Variants in COPA observed in about 807,000 individuals in gnomAD.
COPA encodes the protein coatomer subunit alpha.
Under a neutral mutation model 158.7 loss-of-function variants are expected in COPA, and 10 were observed. The observed-to-expected ratio is 0.06, with a 90% confidence interval of 0.04 to 0.11. The LOEUF (loss-of-function observed/expected upper bound fraction) is 0.11, where lower values mean the gene tolerates loss of function less well. Ranked by LOEUF, COPA falls within the 10% of genes least tolerant of loss-of-function variation. COPA has a pLI of 1.00. For synonymous variants in COPA, 462 were observed against 542.8 expected, an observed-to-expected ratio of 0.85 and a Z score of 2.07; for missense variants, 1,065 against 1,536.7, an observed-to-expected ratio of 0.69 and a Z score of 5.13.
chr1:160,338,044 A>G (rs2101878155), intron 3 of COPA, among the ~76,000 whole-genome samples: 1 of 152,222 alleles, frequency 6.6e-6, no homozygotes, highest in Middle Eastern at 3.4e-3. Flanking sequence ...GTCTCTATAG[A>G]TTTACCTATT....
chr1:160,313,304 C>A, intron 9 of COPA, 137 bp from the exon 10 acceptor site: 1 of 689,990 alleles, frequency 1.4e-6, no homozygotes, highest in South Asian at 1.9e-5. Flanking sequence ...TCCTAAGTAA[C>A]AGTAGTCGTG....
intron 8 of COPA, among the ~76,000 whole-genome samples, chr1:160,318,975 C>CA (rs140148350): frequency 0.015 from 2,264 of 147,702 alleles, 53 homozygotes; most frequent in African/African-American, 0.048. Context: ...AGAGAAGCCT[C>CA]AAAAAAAAAC....
At chr1:160,321,742 C>G (rs542752971) in intron 8 of COPA, among the ~76,000 whole-genome samples, 2 of 152,030 alleles carry the variant, frequency 1.3e-5, no homozygotes, top group Non-Finnish European at 2.9e-5. Context: ...AAGCCAAGAT[C>G]GAGCCACTGT....
rs561417037 is a variant in COPA at position 160,316,651 on chromosome 1, G to A, written c.707-2526C>T. Among the ~76,000 whole-genome samples the A allele has an allele frequency of 2.0e-5, 3 of 151,836 alleles. No homozygotes were observed. In the East Asian group the frequency reaches 5.8e-4, roughly 30 times the overall value. On this transcript the variant is annotated intron_variant, in intron 8 of 32. Transcript: ENST00000241704. ...TATAATCCCAGCTACTCGGGAGGCT[G>A]AGGGAGGAGAATCACTTGAACTCGG...
intron 1 of COPA, 38 bp from the exon 2 acceptor site, chr1:160,340,332 G>A: frequency 1.6e-6 from 2 of 1,284,620 alleles, no homozygotes; most frequent in Non-Finnish European, 2.3e-6. Flanking sequence ...AGCTAACTAA[G>A]CCCCATGATG....
intron 17 of COPA, among the ~76,000 whole-genome samples, chr1:160,300,097 T>C (rs1222095747): frequency 1.3e-5 from 2 of 152,034 alleles, no homozygotes; most frequent in East Asian, 1.9e-4. Context: ...CCCAGCACTT[T>C]GGGAGGCCGA....
chr1:160,298,674 A>G (rs1273895565), intron 19 of COPA, among the ~76,000 whole-genome samples, 171 bp downstream of exon 19: 1 of 152,200 alleles, frequency 6.6e-6, no homozygotes, highest in Non-Finnish European at 1.5e-5. Context: ...GGCAGGTAAA[A>G]GTAGAGATGG....
intron 1 of COPA, among the ~76,000 whole-genome samples, chr1:160,340,968 G>C (rs1648013998): frequency 6.6e-6 from 1 of 152,184 alleles, no homozygotes; most frequent in South Asian, 2.1e-4. Flanking sequence ...CTTCACTGAA[G>C]CCTAAAAACT....
intron 15 of COPA, 68 bp downstream of exon 15, chr1:160,306,286 G>A (rs1030926057): frequency 2.9e-5 from 43 of 1,502,266 alleles, no homozygotes; most frequent in Middle Eastern, 1.9e-4. Flanking sequence ...GGGAAAAAAG[G>A]TTCCCACTAA....
chr1:160,310,074 G>C (rs1421593161), intron 12 of COPA, 118 bp downstream of exon 12: 1 of 562,130 alleles, frequency 1.8e-6, no homozygotes. Context: ...CACTGTGTCA[G>C]CTCTCACAAA....
chr1:160,297,205 A>G, intron 21 of COPA, 138 bp downstream of exon 21: 2 of 742,734 alleles, frequency 2.7e-6, no homozygotes, highest in Non-Finnish European at 4.5e-6. Context: ...TCTTCTAAGC[A>G]CAGTAGGAGC....
In COPA at chr1:160,290,157, T is replaced by C. The variant is rs762917412; in HGVS notation, c.3675A>G (p.Ter1225=). Residue 1225 remains the stop codon, a stop_retained_variant, in exon 33 of 33, where the codon TAA becomes TAG. Coordinates refer to ENST00000241704, the MANE Select transcript of COPA (RefSeq NM_004371.4). ...GLRISPLQFR[*] is the part of the protein sequence containing the mutation. ...CTGACCCATGCACACAAAGGGGGCC[T>C]TAGCGAAACTGCAGAGGACTGATCC... The C allele has an allele frequency of 8.7e-6, 14 of 1,614,092 alleles. No homozygotes were observed. The South Asian group carries it at 1.5e-4, about 18-fold the overall frequency.
chr1:160,297,764 C>A lies in COPA; in HGVS notation c.1978-19G>T, dbSNP rs770019968. The A allele has an allele frequency of 6.2e-7, 1 of 1,610,606 alleles. No homozygotes were observed. On this transcript the variant is annotated intron_variant, in intron 19 of 32. Transcript: ENST00000241704. The stretch of plus-strand genomic sequence containing the variant: ...GAGCAATCTAAAGAATCCCCAGGGT[C>A]GTGTTAACAGGTTGAAGGACAATGT...
At chr1:160,332,073 G>C (rs895199396) in intron 6 of COPA, among the ~76,000 whole-genome samples, 26 of 152,190 alleles carry the variant, frequency 1.7e-4, no homozygotes, top group African/African-American at 5.8e-4. Flanking sequence ...TAGGGTCCAA[G>C]AGTCTTGTTT....
At chr1:160,305,819 T>G in intron 15 of COPA, 46 bp from the exon 16 acceptor site, 1 of 1,513,874 alleles carries the variant, frequency 6.6e-7, no homozygotes, top group Non-Finnish European at 9.2e-7. Context: ...CTATTTCCCT[T>G]GTCTCAGGCT....
At chr1:160,294,198 G>A (rs1658329629) in intron 25 of COPA, among the ~76,000 whole-genome samples, 1 of 152,102 alleles carries the variant, frequency 6.6e-6, no homozygotes, top group African/African-American at 2.4e-5. Context: ...TTGCTATGGT[G>A]CCCAGGCTGG....
In COPA at chr1:160,335,281, A is replaced by G. The variant is rs779707357; in HGVS notation, c.270T>C (p.Leu90=). Residue 90 remains leucine, a synonymous_variant, in exon 4 of 33, where the codon CTT becomes CTC. Transcript: ENST00000241704. ...YKLRRCLFTL[L]GHLDYIRTTF... ...TGGTGCGAATATAATCTAAGTGCCC[A>G]AGCAATGTGAAAAGACAGCGCCGAA... is the stretch of plus-strand genomic sequence containing the variant. 1.8e-5 allele frequency: 29 copies of G among 1,612,506 alleles called. No individual in the cohort carries two copies. Among genetic ancestry groups the G allele is most frequent in the Non-Finnish European group, 2.3e-5 (27 of 1,179,246 alleles).
intron 9 of COPA, among the ~76,000 whole-genome samples, chr1:160,313,702 C>T (rs555263319): frequency 2.2e-4 from 33 of 152,314 alleles, no homozygotes; most frequent in Non-Finnish European, 4.3e-4. Flanking sequence ...CATGAGCCAC[C>T]GCGCCCGGCC....
At chr1:160,302,128 G>T (rs1175096184) in intron 17 of COPA, among the ~76,000 whole-genome samples, 2 of 152,066 alleles carry the variant, frequency 1.3e-5, no homozygotes, top group Admixed American at 6.6e-5. Context: ...ATGATTATTT[G>T]TAAAGGAAAT....
Sources: allele counts gnomAD v4.1 joint callset (sites outside exome capture counted in the v4.1 genomes callset), GRCh38; gene constraint gnomAD v4.1.1; transcripts MANE v1.5; gene names NCBI Gene and HGNC (gene_info 2026-07-23, HGNC 2026-07-21).